AATF: variants seen among roughly 807,000 people sequenced by gnomAD.
AATF encodes the protein protein AATF.
Under a neutral mutation model 63.7 loss-of-function variants are expected in AATF, and 48 were observed. That is an observed-to-expected ratio of 0.75 (90% CI 0.60 to 0.96). The LOEUF (loss-of-function observed/expected upper bound fraction) is 0.96. Ranked by LOEUF, AATF falls within the 40% of genes least tolerant of loss-of-function variation. The pLI is 0.00. For missense variants in AATF, 639 were observed against 685.7 expected, an observed-to-expected ratio of 0.93 and a Z score of 0.76; for synonymous variants, 258 against 247.7, an observed-to-expected ratio of 1.04 and a Z score of -0.39.
At chr17:37,007,953 CT>C (rs745856668) in intron 8 of AATF, among the ~76,000 whole-genome samples, 21 of 152,140 alleles carry the variant, frequency 1.4e-4, no homozygotes, top group Admixed American at 4.6e-4. Context: ...TGGAAAAGTC[CT>C]TTAACCCATA....
chr17:37,054,089 CAG>C (rs2071777235), intron 11 of AATF, among the ~76,000 whole-genome samples: 1 of 151,930 alleles, frequency 6.6e-6, no homozygotes, highest in Non-Finnish European at 1.5e-5. Context: ...CTGTACCACC[CAG>C]CTGCTCAGGG....
chr17:36,958,375 C>T (rs978896623), intron 4 of AATF, among the ~76,000 whole-genome samples: 32 of 152,058 alleles, frequency 2.1e-4, no homozygotes, highest in Non-Finnish European at 2.2e-4. Context: ...CCATGTTGGC[C>T]AGGCTGGTCC....
intron 4 of AATF, among the ~76,000 whole-genome samples, chr17:36,962,897 G>A (rs9897638): frequency 0.11 from 16,642 of 152,092 alleles, 2,901 homozygotes; most frequent in African/African-American, 0.37. Context: ...CGAGGCAGGC[G>A]AATCACCTGA....
intron 1 of AATF, 57 bp from the exon 2 acceptor site, chr17:36,950,157 C>CCGTTAAAGTTTCTGCTAACCTGG: frequency 6.4e-7 from 1 of 1,569,646 alleles, no homozygotes; most frequent in Non-Finnish European, 8.7e-7. Context: ...ACCAGGGTTC[C>CCGTTAAAGTTTCTGCTAACCTGG]CGTTAAAGTT....
chr17:37,055,065 A>G (rs1476326829), intron 11 of AATF: 2 of 152,322 alleles, frequency 1.3e-5, no homozygotes, highest in Non-Finnish European at 2.9e-5. Context: ...GATTGAGGCT[A>G]GTCACATGGA....
At chr17:36,955,878 T>C (rs1037927249) in intron 4 of AATF, among the ~76,000 whole-genome samples, 4 of 152,192 alleles carry the variant, frequency 2.6e-5, no homozygotes, top group Admixed American at 6.5e-5. Context: ...TCTTCCCGCC[T>C]CAGCCTCCTG....
chr17:37,053,212 C>T (rs1473188128), intron 11 of AATF, among the ~76,000 whole-genome samples: 1 of 152,022 alleles, frequency 6.6e-6, no homozygotes, highest in African/African-American at 2.4e-5. Flanking sequence ...AAAGCCTCAT[C>T]CATATCATTA....
At chr17:37,011,784 C>T (rs1255840299) in intron 8 of AATF, among the ~76,000 whole-genome samples, 1 of 151,880 alleles carries the variant, frequency 6.6e-6, no homozygotes, top group Non-Finnish European at 1.5e-5. Context: ...TGCTAGATGC[C>T]CATTAGACAT....
At chr17:36,957,280 A>T (rs2070909590) in intron 4 of AATF, among the ~76,000 whole-genome samples, 1 of 152,220 alleles carries the variant, frequency 6.6e-6, no homozygotes, top group Non-Finnish European at 1.5e-5. Context: ...ATTAAAGGAC[A>T]TAATCAATAG....
At chr17:37,049,264 C>G (rs184999791) in intron 11 of AATF, among the ~76,000 whole-genome samples, 10 of 152,234 alleles carry the variant, frequency 6.6e-5, no homozygotes, top group Admixed American at 6.5e-4. Context: ...TTTAACTATT[C>G]AAGATTTCTA....
At chr17:36,950,561 G>A (rs1267910563) in intron 2 of AATF, among the ~76,000 whole-genome samples, 156 bp downstream of exon 2, 1 of 152,064 alleles carries the variant, frequency 6.6e-6, no homozygotes, top group Non-Finnish European at 1.5e-5. Context: ...GTGTGATGGC[G>A]CCATCTCGGC....
intron 11 of AATF, among the ~76,000 whole-genome samples, chr17:37,042,216 G>A (rs1340952442): frequency 3.3e-5 from 5 of 151,856 alleles, no homozygotes; most frequent in African/African-American, 9.7e-5. Context: ...ACCTTTTTGT[G>A]GGGGGTGTTT....
chr17:36,948,974 G>A lies in AATF; in HGVS notation c.-152G>A. 7.1e-6 allele frequency: 5 copies of A among 699,616 alleles called. No homozygotes were observed. In the South Asian group the frequency reaches 9.0e-5, roughly 13 times the overall value. The allele number at this position is 699,616 out of a possible 1,614,324, so 43.3% of individuals were successfully genotyped here. A position where few individuals can be genotyped will look rare whatever the true frequency, so the allele number is the denominator to read the frequency against. On this transcript the variant is annotated 5_prime_UTR_variant, in exon 1 of 12. Coordinates refer to ENST00000619387, the MANE Select transcript of AATF (RefSeq NM_012138.4). Reference sequence around the variant, plus strand: ...CCCGCGCGCCTCCCGGAAGTGGCCGGTCCAGAGCTGTGGGGTGGCCTCCGC... The same window carrying A: ...CCCGCGCGCCTCCCGGAAGTGGCCGATCCAGAGCTGTGGGGTGGCCTCCGC...
At chr17:37,051,055 G>A (rs1003644848) in intron 11 of AATF, 6 of 152,212 alleles carry the variant, frequency 3.9e-5, no homozygotes, top group African/African-American at 1.4e-4. Context: ...GATTACATGA[G>A]CCACCATACC....
intron 4 of AATF, among the ~76,000 whole-genome samples, chr17:36,965,908 G>A (rs1343670515): frequency 6.6e-6 from 1 of 151,956 alleles, no homozygotes; most frequent in Non-Finnish European, 1.5e-5. Context: ...GGGTCTTGCA[G>A]TGTTCCCCAG....
Position 37,043,952 on chromosome 17 carries a change from G to T in AATF, c.1619+12267G>T, listed in dbSNP as rs530028630. 5.3e-4 allele frequency among the ~76,000 whole-genome samples: 80 copies of T among 152,218 alleles called. 2 individuals carry two copies. The South Asian group carries it at 0.016, about 30-fold the overall frequency. On this transcript the variant is annotated intron_variant, in intron 11 of 11. Coordinates refer to ENST00000619387, the MANE Select transcript of AATF (RefSeq NM_012138.4). ...ATAATTATTTAAATAAACAAACTTT[G>T]TGTTTTCACATCTGTGTATTACGCC...
At chr17:36,995,132 T>G (rs999819405) in intron 8 of AATF, among the ~76,000 whole-genome samples, 5 of 152,228 alleles carry the variant, frequency 3.3e-5, no homozygotes. Context: ...TCTAGCTCTG[T>G]TTAGTTTTGA....
chr17:37,020,035 A>G (rs1471954975), intron 9 of AATF, among the ~76,000 whole-genome samples: 3 of 152,106 alleles, frequency 2.0e-5, no homozygotes, highest in Non-Finnish European at 2.9e-5. Context: ...TTCGTTGTAT[A>G]AATCAGGTAG....
At chr17:37,052,227 G>T (rs539074252) in intron 11 of AATF, 1 of 152,150 alleles carries the variant, frequency 6.6e-6, no homozygotes, top group African/African-American at 2.4e-5. Flanking sequence ...GCCTTAAGGG[G>T]ACCTCAGGTA....
Sources: allele counts gnomAD v4.1 joint callset (sites outside exome capture counted in the v4.1 genomes callset), GRCh38; gene constraint gnomAD v4.1.1; transcripts MANE v1.5; gene names NCBI Gene and HGNC (gene_info 2026-07-23, HGNC 2026-07-21).